The following FRY variants were observed in gnomAD, a reference collection of about 807,000 sequenced individuals.
FRY encodes the protein protein furry homolog.
Under a neutral mutation model 348.4 loss-of-function variants are expected in FRY, and 128 were observed. The observed-to-expected ratio is 0.37, with a 90% CI of 0.32 to 0.43. The LOEUF is 0.43. Among genes scored for constraint, FRY ranks in the 20% least tolerant of loss-of-function variants. The probability of loss-of-function intolerance (pLI) is 1.00; values close to 1 mark genes in which losing one functional copy is unlikely to be tolerated. For missense variants in FRY, 2,736 were observed against 3,695.2 expected (o/e 0.74, Z 6.73); for synonymous variants, 1,370 against 1,374.7 (o/e 1.00, Z 0.08).
At chr13:32,274,704 A>C (rs111295228) in intron 55 of FRY, 138 bp from the exon 56 acceptor site, 263 of 5,666 alleles carry the variant, frequency 0.046, 1 homozygote, top group African/African-American at 0.075. Flanking sequence ...ATTCTGTCTC[A>C]AAAAAAAAAA....
At chr13:32,203,512 C>G (rs1479985574) in intron 31 of FRY, among the ~76,000 whole-genome samples, 1 of 152,122 alleles carries the variant, frequency 6.6e-6, no homozygotes, top group Non-Finnish European at 1.5e-5. Flanking sequence ...CACCTGAGGT[C>G]AGGAGTTTGA....
intron 1 of FRY, among the ~76,000 whole-genome samples, chr13:32,077,745 G>C (rs1875179276): frequency 6.6e-6 from 1 of 152,178 alleles, no homozygotes; most frequent in South Asian, 2.1e-4. Context: ...AAAGAACTTT[G>C]TTTTGCCTTT....
At chr13:32,106,909 A>C (rs147556565) in intron 3 of FRY, among the ~76,000 whole-genome samples, 3 of 152,344 alleles carry the variant, frequency 2.0e-5, no homozygotes, top group African/African-American at 7.2e-5. Context: ...GTTTCTCCTC[A>C]AATTTGCCAG....
At chr13:32,161,035 CTG>C in intron 16 of FRY, 107 bp from the exon 17 acceptor site, 1 of 772,250 alleles carries the variant, frequency 1.3e-6, no homozygotes, top group Non-Finnish European at 2.3e-6. Flanking sequence ...TAACACCAGG[CTG>C]TGACTCAGAA....
rs1045220469 is a variant in FRY, at chr13:32,295,704, A to T, written c.*244A>T. The T allele has an allele frequency of 6.9e-6, 4 of 577,584 alleles. No individual in the cohort carries two copies. The highest frequency in any genetic ancestry group is 1.2e-5 in the Non-Finnish European group (4 of 322,900). 35.8% of individuals were successfully genotyped at this position (577,584 alleles called of 1,614,324 possible). ...ATGCTGTGTGGCACAAATGTGTTAC[A>T]TTTGACCGAGCATATGCAACTCGCT... is the stretch of plus-strand genomic sequence containing the variant. On this transcript the variant is annotated 3_prime_UTR_variant, in exon 61 of 61. Coordinates refer to ENST00000542859, the MANE Select transcript of FRY (RefSeq NM_023037.3).
At chr13:32,258,960 A>T (rs1360942082) in intron 51 of FRY, among the ~76,000 whole-genome samples, 4 of 152,198 alleles carry the variant, frequency 2.6e-5, no homozygotes, top group African/African-American at 9.7e-5. Context: ...ACAGAGTTCC[A>T]ATATGAAAAA....
chr13:32,217,742 G>T (rs556117455), intron 35 of FRY, among the ~76,000 whole-genome samples: 1 of 152,336 alleles, frequency 6.6e-6, no homozygotes, highest in Non-Finnish European at 1.5e-5. Context: ...TTTCCTCATT[G>T]TAGAATAAAT....
chr13:32,249,638 A>G lies in FRY; in HGVS notation c.7121A>G (p.Asn2374Ser). ...RSTSSTSSGSNSNVLVPVSWK... is the reference protein window; with the variant it reads ...RSTSSTSSGSSSNVLVPVSWK... ...ACATCTTCCACTTCCTCAGGCTCCA[A>G]CTCCAACGTCCTTGTTCCAGTGAGC... The change falls in exon 49 of 61, where the codon AAC becomes AGC. Residue 2374 changes from asparagine to serine, a missense_variant. Transcript: ENST00000542859. 6.2e-7 allele frequency: 1 copy of G among 1,614,082 alleles called. No individual in the cohort carries two copies.
intron 58 of FRY, among the ~76,000 whole-genome samples, chr13:32,281,416 A>G (rs1278088694): frequency 6.6e-6 from 1 of 152,220 alleles, no homozygotes; most frequent in African/African-American, 2.4e-5. Flanking sequence ...AATAATTCCC[A>G]GCATATGTCT....
Position 32,086,188 on chromosome 13 carries a change from G to A in FRY, c.270+7155G>A, listed in dbSNP as rs910206565. ...AAAATATGAAAGGCTGGATTACTCA[G>A]CTAAGTAAACCAAGTTTAGAAAATT... is the stretch of plus-strand genomic sequence containing the variant. On this transcript the variant is annotated intron_variant, in intron 2 of 60. Transcript: ENST00000542859. Among the ~76,000 whole-genome samples the A allele has an allele frequency of 1.3e-5, 2 of 152,176 alleles. 1 individual carries two copies. The highest frequency in any genetic ancestry group is 4.8e-5 in the African/African-American group (2 of 41,434).
At position 32,251,903 on chromosome 13, in the gene FRY, A is replaced by G; in HGVS notation, c.7196A>G (p.His2399Arg). ...SQKRTKEKLV[H>R]VLSLCGQEVG... Reference sequence around the variant, plus strand: ...AAGAGAACAAAAGAGAAGTTGGTACATGTCCTTTCTCTGTGTGGCCAAGAA... The same window carrying G: ...AAGAGAACAAAAGAGAAGTTGGTACGTGTCCTTTCTCTGTGTGGCCAAGAA... Residue 2399 changes from histidine (H) to arginine (R), a missense_variant, in exon 50 of 61, where the codon CAT becomes CGT. Physicochemically the swap from His to Arg is conservative, Grantham distance 29. Coordinates refer to ENST00000542859, the MANE Select transcript of FRY (RefSeq NM_023037.3). 1 of 1,613,070 alleles carries G rather than the reference A, an allele frequency of 6.2e-7. No individual in the cohort carries two copies.
At position 32,186,282 on chromosome 13, in the gene FRY, C is replaced by T. The variant is rs200217642; in HGVS notation, c.3342C>T (p.Phe1114=). 126 of 1,613,414 alleles carry T rather than the reference C, an allele frequency of 7.8e-5. No individual in the cohort carries two copies. Among genetic ancestry groups the T allele is most frequent in the Non-Finnish European group, 8.9e-5 (105 of 1,179,486 alleles). ...CVPVHHRRFL[F]PQQSLRHHLF... is the part of the protein sequence containing the mutation. ...TAGTTCACCACCGAAGATTTCTCTTCCCCCAGCAAAGTCTGAGGCACCACC... is the reference window on the plus strand; with the variant it reads ...TAGTTCACCACCGAAGATTTCTCTTTCCCCAGCAAAGTCTGAGGCACCACC... The change falls in exon 27 of 61, where the codon TTC becomes TTT. Residue 1114 remains phenylalanine (F), a synonymous_variant. Transcript: ENST00000542859.
At chr13:32,141,150 T>TA (rs1880046277) in intron 11 of FRY, among the ~76,000 whole-genome samples, 1 of 152,256 alleles carries the variant, frequency 6.6e-6, no homozygotes, top group East Asian at 1.9e-4. Flanking sequence ...AAATTAATAA[T>TA]AAGATGACAA....
chr13:32,133,195 A>G (rs2138764446), intron 8 of FRY, among the ~76,000 whole-genome samples: 1 of 152,364 alleles, frequency 6.6e-6, no homozygotes, highest in East Asian at 1.9e-4. Context: ...TGCATACTAC[A>G]TAAATTATGT....
At chr13:32,159,962 C>T (rs1881347225) in intron 16 of FRY, among the ~76,000 whole-genome samples, 1 of 152,104 alleles carries the variant, frequency 6.6e-6, no homozygotes, top group African/African-American at 2.4e-5. Context: ...TGACAAAAGT[C>T]ATAAGATTAT....
intron 1 of FRY, among the ~76,000 whole-genome samples, chr13:32,064,095 A>T (rs1004823103): frequency 1.5e-4 from 23 of 152,192 alleles, no homozygotes; most frequent in African/African-American, 5.5e-4. Flanking sequence ...GGAAATGCGT[A>T]TATAATATGT....
At chr13:32,192,082 G>A (rs1883370093) in intron 28 of FRY, among the ~76,000 whole-genome samples, 1 of 152,276 alleles carries the variant, frequency 6.6e-6, no homozygotes. Flanking sequence ...AGAGTGCCCA[G>A]GGGAGGGTTC....
At chr13:32,103,122 C>G (rs577512245) in intron 3 of FRY, among the ~76,000 whole-genome samples, 9 of 152,346 alleles carry the variant, frequency 5.9e-5, no homozygotes, top group South Asian at 4.1e-4. Context: ...TTTATGCTCA[C>G]AGCCAGCCCT....
Position 32,249,688 on chromosome 13 carries a change from G to A in FRY, c.7170+1G>A. 1.9e-6 allele frequency: 3 copies of A among 1,613,742 alleles called. No individual in the cohort carries two copies. The highest frequency in any genetic ancestry group is 2.5e-6 in the Non-Finnish European group (3 of 1,179,732). ...CTGGAAAAGGCCCCAGTATTCTCAG[G>A]TATGCAATCCTAGACCCACAGTCCT... On this transcript the variant is annotated splice_donor_variant, in intron 49 of 60. Transcript: ENST00000542859. LOFTEE classifies it high-confidence loss of function.
Sources: gnomAD v4.1 joint callset for allele counts (sites outside exome capture counted in the v4.1 genomes callset) on GRCh38, gnomAD v4.1.1 for gene constraint, MANE v1.5 for transcripts, NCBI Gene and HGNC (gene_info 2026-07-23, HGNC 2026-07-21) for gene names.